The following TFPI variants were observed in gnomAD, a reference collection of about 807,000 sequenced individuals.
TFPI encodes tissue factor pathway inhibitor, also known as anti-convertin.
TFPI carries 15 observed loss-of-function variants against 34.6 expected under a neutral mutation model. That is an observed-to-expected ratio of 0.43 (90% CI 0.29 to 0.67). TFPI has a LOEUF of 0.67. TFPI is among the 30% of genes least tolerant of loss of function. The probability of loss-of-function intolerance (pLI) is 0.15; values close to 1 mark genes in which losing one functional copy is unlikely to be tolerated. For synonymous variants in TFPI, 105 were observed against 120.1 expected, an observed-to-expected ratio of 0.87 and a Z score of 0.82; for missense variants, 301 against 364.0, an observed-to-expected ratio of 0.83 and a Z score of 1.41.
In TFPI at chr2:187,554,294, A is replaced by G. The variant is rs1409757238; in HGVS notation, c.-97T>C. 6.6e-6 allele frequency: 1 copy of G among 152,194 alleles called. No individual in the cohort carries two copies. Among genetic ancestry groups the G allele is most frequent in the Non-Finnish European group, 1.5e-5 (1 of 68,030 alleles). 9.4% of individuals were successfully genotyped at this position (152,194 alleles called of 1,614,324 possible). ...CTTCCAGGTATTGAAGACAGGATTT[A>G]TCTTCTCTACTTCTTCTTTTAGAAG... On this transcript the variant is annotated 5_prime_UTR_variant, in exon 1 of 8. Coordinates refer to ENST00000233156, the MANE Select transcript of TFPI (RefSeq NM_006287.6).
intron 1 of TFPI, among the ~76,000 whole-genome samples, chr2:187,551,722 ATT>A (rs1239798198): frequency 1.3e-5 from 2 of 152,148 alleles, no homozygotes; most frequent in African/African-American, 4.8e-5. Flanking sequence ...TGTCTATTGA[ATT>A]CAAGTTTCTC....
intron 1 of TFPI, among the ~76,000 whole-genome samples, chr2:187,522,840 G>A (rs1361414543): frequency 6.6e-6 from 1 of 151,094 alleles, no homozygotes; most frequent in Non-Finnish European, 1.5e-5. Context: ...GCAGTGAGCC[G>A]AGATCGTGCC....
intron 1 of TFPI, among the ~76,000 whole-genome samples, chr2:187,523,633 A>G (rs959228458): frequency 6.6e-6 from 1 of 152,092 alleles, no homozygotes; most frequent in Non-Finnish European, 1.5e-5. Context: ...GTAGCTGTCT[A>G]TGGGTTTCAA....
chr2:187,468,674 A>T (rs1193480576), intron 6 of TFPI, among the ~76,000 whole-genome samples: 2 of 152,110 alleles, frequency 1.3e-5, no homozygotes. Flanking sequence ...AGAAAAATAC[A>T]ATTAGGGTAA....
intron 1 of TFPI, among the ~76,000 whole-genome samples, chr2:187,508,364 A>G (rs1219523368): frequency 6.6e-6 from 1 of 152,226 alleles, no homozygotes; most frequent in Admixed American, 6.5e-5. Flanking sequence ...AGTCAATGGT[A>G]GCTTAATTGG....
At chr2:187,551,234 G>A (rs992222514) in intron 1 of TFPI, among the ~76,000 whole-genome samples, 1 of 152,084 alleles carries the variant, frequency 6.6e-6, no homozygotes, top group Non-Finnish European at 1.5e-5. Flanking sequence ...CCATCACATG[G>A]AACAATTGGG....
intron 1 of TFPI, among the ~76,000 whole-genome samples, chr2:187,542,680 C>T (rs1484658517): frequency 6.6e-6 from 1 of 151,914 alleles, no homozygotes; most frequent in Non-Finnish European, 1.5e-5. Context: ...CAAGCCTGAC[C>T]AACATGGTGA....
rs8176629 is a variant in TFPI at position 187,466,794 on chromosome 2, C to T, written c.*142G>A. 4,503 of 458,400 alleles carry T rather than the reference C, an allele frequency of 9.8e-3. 35 individuals carry two copies. Among genetic ancestry groups the T allele is most frequent in the Middle Eastern group, 0.026 (40 of 1,538 alleles). 28.4% of individuals were successfully genotyped at this position (458,400 alleles called of 1,614,324 possible). A position where few individuals can be genotyped will look rare whatever the true frequency, so the allele number is the denominator to read the frequency against. On this transcript the variant is annotated 3_prime_UTR_variant, in exon 8 of 8. Transcript: ENST00000233156. ...ATTAGAAAAGCAACTCTGATACAAA[C>T]GTGTTGATAACAAGTACAATAAGCA...
At chr2:187,522,307 A>G (rs1687422682) in intron 1 of TFPI, among the ~76,000 whole-genome samples, 1 of 152,028 alleles carries the variant, frequency 6.6e-6, no homozygotes, top group Non-Finnish European at 1.5e-5. Flanking sequence ...ATTTTCCCCT[A>G]TGCTTTTGTC....
chr2:187,498,845 T>A (rs1685660792), intron 2 of TFPI, among the ~76,000 whole-genome samples: 1 of 151,978 alleles, frequency 6.6e-6, no homozygotes, highest in South Asian at 2.1e-4. Flanking sequence ...AACACAATTG[T>A]CATAAAATAG....
intron 1 of TFPI, among the ~76,000 whole-genome samples, chr2:187,553,302 T>G (rs1173108313): frequency 6.6e-6 from 1 of 152,092 alleles, no homozygotes; most frequent in Non-Finnish European, 1.5e-5. Flanking sequence ...TATCTCATGT[T>G]ATACAAAGTC....
intron 1 of TFPI, chr2:187,513,856 C>G (rs1410878449): frequency 6.6e-6 from 1 of 152,194 alleles, no homozygotes; most frequent in East Asian, 1.9e-4. Flanking sequence ...TTGCCTCAAA[C>G]TATTGCATTT....
At chr2:187,476,364 G>C (rs1223467109) in intron 6 of TFPI, among the ~76,000 whole-genome samples, 5 of 152,018 alleles carry the variant, frequency 3.3e-5, no homozygotes, top group Admixed American at 1.3e-4. Context: ...TTATTTATGA[G>C]AGAGTCTTGC....
intron 1 of TFPI, among the ~76,000 whole-genome samples, chr2:187,537,610 A>G (rs1027633077): frequency 1.3e-5 from 2 of 152,346 alleles, no homozygotes; most frequent in South Asian, 2.1e-4. Context: ...AAATACTTAA[A>G]TGTAAGTCCT....
chr2:187,529,848 TTC>T (rs913829907), intron 1 of TFPI, among the ~76,000 whole-genome samples: 3 of 152,214 alleles, frequency 2.0e-5, no homozygotes, highest in African/African-American at 7.2e-5. Context: ...TAGACTTTGA[TTC>T]TCTGTTTCTT....
At chr2:187,482,176 T>C (rs1237382986) in intron 6 of TFPI, among the ~76,000 whole-genome samples, 3 of 152,098 alleles carry the variant, frequency 2.0e-5, no homozygotes, top group Non-Finnish European at 4.4e-5. Context: ...AGATCTCCAC[T>C]TGAATTGGTA....
chr2:187,500,877 T>C (rs1685804055), intron 2 of TFPI, among the ~76,000 whole-genome samples: 1 of 152,174 alleles, frequency 6.6e-6, no homozygotes, highest in Non-Finnish European at 1.5e-5. Context: ...TAAACCCTTT[T>C]GAATGTTAAT....
intron 6 of TFPI, among the ~76,000 whole-genome samples, chr2:187,471,041 G>A (rs1228467348): frequency 3.3e-5 from 5 of 152,228 alleles, no homozygotes; most frequent in African/African-American, 9.6e-5. Context: ...GCAATATTTC[G>A]ATAGTGCATT....
intron 1 of TFPI, among the ~76,000 whole-genome samples, chr2:187,544,849 T>A (rs1688772544): frequency 6.6e-6 from 1 of 152,166 alleles, no homozygotes; most frequent in Non-Finnish European, 1.5e-5. Flanking sequence ...GTGCAGTGAC[T>A]CACATCTATA....
Sources: allele counts gnomAD v4.1 joint callset (sites outside exome capture counted in the v4.1 genomes callset), GRCh38; gene constraint gnomAD v4.1.1; transcripts MANE v1.5; gene names NCBI Gene and HGNC (gene_info 2026-07-23, HGNC 2026-07-21).